Variants in SENP7 observed in about 807,000 individuals in gnomAD.
SENP7 encodes sentrin-specific protease 7.
A neutral mutation model predicts 141.2 loss-of-function variants in SENP7; 64 were observed. The ratio of observed to expected loss-of-function variants is 0.45; its 90% CI spans 0.37 to 0.56. SENP7 has a LOEUF of 0.56. Ranked by LOEUF, SENP7 falls within the 20% of genes least tolerant of loss-of-function variation. SENP7 has a pLI of 0.00. For synonymous variants in SENP7, 382 were observed against 426.4 expected (o/e 0.90, Z 1.28); for missense variants, 1,025 against 1,212.2 (o/e 0.85, Z 2.29).
chr3:101,420,367 C>CA (rs11379581), intron 4 of SENP7, among the ~76,000 whole-genome samples: 60,685 of 144,954 alleles, frequency 0.42, 12,600 homozygotes, highest in Admixed American at 0.55. Flanking sequence ...GACTCCGTCT[C>CA]AAAAAAAAAA....
chr3:101,463,402 T>TATACAC (rs1553744836), intron 3 of SENP7, among the ~76,000 whole-genome samples: 16 of 101,254 alleles, frequency 1.6e-4, no homozygotes, highest in Admixed American at 3.0e-4. Context: ...TATATACATA[T>TATACAC]ATATATATAT....
intron 20 of SENP7, among the ~76,000 whole-genome samples, chr3:101,329,812 A>G (rs1019595413): frequency 2.0e-5 from 3 of 150,096 alleles, no homozygotes; most frequent in African/African-American, 4.9e-5. Flanking sequence ...AAAATTAGCC[A>G]GGCATGGTGG....
At chr3:101,476,986 A>C (rs570378620) in intron 3 of SENP7, among the ~76,000 whole-genome samples, 87 of 152,184 alleles carry the variant, frequency 5.7e-4, no homozygotes, top group Non-Finnish European at 1.1e-3. Context: ...TTCCTTGTAG[A>C]TTCTGGATAG....
intron 5 of SENP7, among the ~76,000 whole-genome samples, chr3:101,413,682 A>G (rs1017997635): frequency 6.6e-6 from 1 of 150,996 alleles, no homozygotes; most frequent in African/African-American, 2.4e-5. Context: ...GAAAGGGATC[A>G]TATATAGATT....
intron 11 of SENP7, among the ~76,000 whole-genome samples, chr3:101,356,852 A>C (rs1465031188): frequency 6.6e-6 from 1 of 152,204 alleles, no homozygotes; most frequent in African/African-American, 2.4e-5. Context: ...GTGTGCAATA[A>C]GATCTGTGAT....
At chr3:101,346,230 G>C (rs768413596) in intron 13 of SENP7, among the ~76,000 whole-genome samples, 4 of 152,140 alleles carry the variant, frequency 2.6e-5, no homozygotes, top group African/African-American at 4.8e-5. Flanking sequence ...ACTCCCACAA[G>C]AATGGTCATT....
At chr3:101,502,322 G>A (rs1576545106) in intron 1 of SENP7, among the ~76,000 whole-genome samples, 1 of 152,270 alleles carries the variant, frequency 6.6e-6, no homozygotes, top group African/African-American at 2.4e-5. Flanking sequence ...TTTTGTTTTT[G>A]AGATGGAGTT....
chr3:101,492,366 C>T lies in SENP7; in HGVS notation c.186+1507G>A, dbSNP rs143891913. On this transcript the variant is annotated intron_variant, in intron 3 of 23. Transcript: ENST00000394095. The stretch of plus-strand genomic sequence containing the variant: ...CTCCAGCCTGGGTGACAGAGCAAGA[C>T]CCTGTCTCAAAAAAAAAATACGTAA... Among the ~76,000 whole-genome samples, 603 of 151,808 alleles carry T rather than the reference C, an allele frequency of 4.0e-3. 2 individuals are homozygous for T. The highest frequency in any genetic ancestry group is 0.014 in the African/African-American group (575 of 41,400).
chr3:101,338,302 T>A (rs978707337), intron 16 of SENP7, among the ~76,000 whole-genome samples: 2 of 152,202 alleles, frequency 1.3e-5, no homozygotes, highest in East Asian at 3.9e-4. Context: ...TAGAAAATAT[T>A]AATCAAATAA....
In SENP7 at chr3:101,341,926, A is replaced by C; in HGVS notation, c.2107-147T>G. 3 of 698,458 alleles carry C rather than the reference A, an allele frequency of 4.3e-6. No individual in the cohort carries two copies. In the South Asian group the frequency reaches 1.1e-4, roughly 27 times the overall value. 43.3% of individuals were successfully genotyped at this position (698,458 alleles called of 1,614,324 possible). A position where few individuals can be genotyped will look rare whatever the true frequency, so the allele number is the denominator to read the frequency against. ...TTTAGATTTTCCATAGATATAACCAAACCAAAATAATACTGGTGATGAAAA... is the reference window on the plus strand; with the variant it reads ...TTTAGATTTTCCATAGATATAACCACACCAAAATAATACTGGTGATGAAAA... On this transcript the variant is annotated intron_variant, in intron 14 of 23. Coordinates refer to ENST00000394095, the MANE Select transcript of SENP7 (RefSeq NM_020654.5).
intron 1 of SENP7, among the ~76,000 whole-genome samples, chr3:101,503,276 C>G (rs2065463738): frequency 6.6e-6 from 1 of 152,206 alleles, no homozygotes; most frequent in South Asian, 2.1e-4. Context: ...TGGTGAGAGA[C>G]TGGAACTCAT....
At chr3:101,471,820 C>T (rs1159178977) in intron 3 of SENP7, among the ~76,000 whole-genome samples, 2 of 152,026 alleles carry the variant, frequency 1.3e-5, no homozygotes, top group Non-Finnish European at 2.9e-5. Context: ...CAAACAACCC[C>T]CTCATCAAAA....
At chr3:101,493,218 AAC>A (rs1381376650) in intron 3 of SENP7, among the ~76,000 whole-genome samples, 1 of 152,166 alleles carries the variant, frequency 6.6e-6, no homozygotes, top group African/African-American at 2.4e-5. Context: ...TAGAGGGAAC[AAC>A]ACACACTGGG....
Position 101,343,777 on chromosome 3 carries a change from C to A in SENP7, c.2015G>T (p.Ser672Ile), listed in dbSNP as rs776913467. 20 of 1,613,702 alleles carry A rather than the reference C, an allele frequency of 1.2e-5. No homozygotes were observed. Among genetic ancestry groups the A allele is most frequent in the Non-Finnish European group, 1.6e-5 (19 of 1,179,752 alleles). ...PLFQNLSSKE[S>I]SFIHYYCVST... ...AACACAGTAATAATGAATAAAAGAA[C>A]TTTCTTTTGAAGAGAGGTTCTGAAA... Residue 672 changes from serine to isoleucine, a missense_variant, in exon 14 of 24, where the codon AGT becomes ATT. Around this residue, in one of 4 missense-constraint regions of SENP7, gnomAD observed 295 missense variants for 459.1 expected, o/e 0.64. Transcript: ENST00000394095.
chr3:101,468,428 GA>G (rs1481865943), intron 3 of SENP7, among the ~76,000 whole-genome samples: 2 of 152,162 alleles, frequency 1.3e-5, no homozygotes, highest in African/African-American at 4.8e-5. Context: ...AGGCTGAAAT[GA>G]AGGGAAAAGT....
intron 6 of SENP7, among the ~76,000 whole-genome samples, chr3:101,372,985 C>A (rs968261807): frequency 6.6e-6 from 1 of 151,648 alleles, no homozygotes; most frequent in African/African-American, 2.4e-5. Context: ...ACAACTAAGG[C>A]AACTAGTATA....
At chr3:101,378,849 G>A (rs2060414373) in intron 6 of SENP7, among the ~76,000 whole-genome samples, 1 of 152,048 alleles carries the variant, frequency 6.6e-6, no homozygotes, top group African/African-American at 2.4e-5. Flanking sequence ...GACAAGAATT[G>A]TATCTCATTT....
intron 4 of SENP7, among the ~76,000 whole-genome samples, chr3:101,418,909 T>A (rs1235813034): frequency 6.6e-6 from 1 of 152,210 alleles, no homozygotes; most frequent in Admixed American, 6.5e-5. Flanking sequence ...TTACTGAACA[T>A]CTTCCAGCAA....
In SENP7 at chr3:101,501,089, G is replaced by T; in HGVS notation, c.71C>A (p.Ser24Ter). 3 of 1,606,378 alleles carry T rather than the reference G, an allele frequency of 1.9e-6. No homozygotes were observed. The highest frequency in any genetic ancestry group is 2.2e-5 in the South Asian group (2 of 90,076). ...GCATACCTCCGATAAATCAGAAGAT[G>T]ACTTTTTCCTTTTTCCTTCTGTGAT... ...EIITEGKRKK[S>*]SSDLSEIRKM... Residue 24 changes from serine to a stop codon, truncating the protein, a stop_gained, in exon 2 of 24, where the codon TCA (serine) becomes TAA (stop). Coordinates refer to ENST00000394095, the MANE Select transcript of SENP7 (RefSeq NM_020654.5). LOFTEE classifies it high-confidence loss of function.
Sources: allele counts gnomAD v4.1 joint callset (sites outside exome capture counted in the v4.1 genomes callset), GRCh38; gene constraint gnomAD v4.1.1; regional missense constraint gnomAD v4.1.1; transcripts MANE v1.5; gene names NCBI Gene and HGNC (gene_info 2026-07-23, HGNC 2026-07-21).